Variants in C16orf86 observed in about 807,000 individuals in gnomAD.
C16orf86 encodes the protein uncharacterized protein C16orf86.
C16orf86 carries 19 observed loss-of-function variants against 21.5 expected under a neutral mutation model. The observed-to-expected ratio is 0.88, with a 90% CI of 0.62 to 1.30. C16orf86 has a LOEUF of 1.30. Ranked by LOEUF, C16orf86 falls within the 50% of genes most tolerant of loss-of-function variation. The probability of loss-of-function intolerance (pLI) is 0.00; values close to 1 mark genes in which losing one functional copy is unlikely to be tolerated. For synonymous variants in C16orf86, 188 were observed against 183.5 expected, an observed-to-expected ratio of 1.02 and a Z score of -0.20; for missense variants, 391 against 415.8, an observed-to-expected ratio of 0.94 and a Z score of 0.52.
intron 1 of C16orf86, 90 bp downstream of exon 1, chr16:67,667,162 G>C (rs1343731585): frequency 1.4e-6 from 2 of 1,425,234 alleles, no homozygotes; most frequent in African/African-American, 1.4e-5. Context: ...CTGCCAGGCT[G>C]GGCCCTCCAG....
At position 67,668,684 on chromosome 16, in the gene C16orf86, G is replaced by A. The variant is rs531593131; in HGVS notation, c.*84G>A. On this transcript the variant is annotated 3_prime_UTR_variant, in exon 4 of 4. Coordinates refer to ENST00000403458, the MANE Select transcript of C16orf86 (RefSeq NM_001012984.3). Reference sequence around the variant, plus strand: ...CTGTGGGCCTAGGCCCTCTGGTGGCGGGGGCAAATTTGGCACCTGCCCCCA... The same window carrying A: ...CTGTGGGCCTAGGCCCTCTGGTGGCAGGGGCAAATTTGGCACCTGCCCCCA... The A allele has an allele frequency of 3.1e-5, 41 of 1,325,576 alleles. No homozygotes were observed. The highest frequency in any genetic ancestry group is 1.2e-4 in the Admixed American group (6 of 49,320). 82.1% of individuals were successfully genotyped at this position (1,325,576 alleles called of 1,614,324 possible).
rs1399842600 is a variant in C16orf86, at chr16:67,667,691, G to A, written c.332+166G>A. ...CCCCCGTGTAGGGAGCAGCAGGAGA[G>A]TGGGAGCTTCAGGGCTTGTAGGGGC... is the stretch of plus-strand genomic sequence containing the variant. On this transcript the variant is annotated intron_variant, in intron 2 of 3. Coordinates refer to ENST00000403458, the MANE Select transcript of C16orf86 (RefSeq NM_001012984.3). 8.5e-6 allele frequency: 13 copies of A among 1,533,658 alleles called. No homozygotes were observed. The Admixed American group carries it at 1.6e-4, about 19-fold the overall frequency.
At position 67,668,210 on chromosome 16, in the gene C16orf86, G is replaced by T. The variant is rs1198639753; in HGVS notation, c.564G>T (p.Gln188His). Residue 188 changes from glutamine to histidine, a missense_variant, in exon 4 of 4, where the codon CAG becomes CAT. Coordinates refer to ENST00000403458, the MANE Select transcript of C16orf86 (RefSeq NM_001012984.3). ...LETLRLERKA[Q>H]RLRPLYQYVN... ...CCTGGGTCTTTGCAGGAAAGGCCCA[G>T]CGCCTGCGGCCGCTGTACCAGTACG... 5.7e-6 allele frequency: 9 copies of T among 1,577,150 alleles called. No homozygotes were observed. Among genetic ancestry groups the T allele is most frequent in the Non-Finnish European group, 7.8e-6 (9 of 1,160,832 alleles).
Position 67,668,532 on chromosome 16 carries a change from G to A in C16orf86, c.886G>A (p.Asp296Asn), listed in dbSNP as rs2053136875. 6.2e-7 allele frequency: 1 copy of A among 1,613,512 alleles called. No homozygotes were observed. Among genetic ancestry groups the A allele is most frequent in the Non-Finnish European group, 8.5e-7 (1 of 1,179,906 alleles). The change falls in exon 4 of 4, where the codon GAC (aspartate) becomes AAC (asparagine). Residue 296 changes from aspartate to asparagine, a missense_variant. Transcript: ENST00000403458. ...CGAGGTGGATAAGTCAACCCAGGTG[G>A]ACATCGACAAGATGCTGAGTGTCTG... ...KAEVDKSTQV[D>N]IDKMLSVCTA...
intron 1 of C16orf86, 101 bp from the exon 2 acceptor site, chr16:67,667,195 G>A: frequency 1.4e-6 from 2 of 1,435,030 alleles, no homozygotes; most frequent in Non-Finnish European, 1.9e-6. Flanking sequence ...ACAGGCTGGT[G>A]TCCTTATTCC....
chr16:67,668,685 G>T lies in C16orf86; in HGVS notation c.*85G>T. ...TGTGGGCCTAGGCCCTCTGGTGGCG[G>T]GGGCAAATTTGGCACCTGCCCCCAC... On this transcript the variant is annotated 3_prime_UTR_variant, in exon 4 of 4. Coordinates refer to ENST00000403458, the MANE Select transcript of C16orf86 (RefSeq NM_001012984.3). The T allele has an allele frequency of 1.5e-6, 2 of 1,322,368 alleles. No individual in the cohort carries two copies. The highest frequency in any genetic ancestry group is 1.1e-6 in the Non-Finnish European group (1 of 941,342). The allele number at this position is 1,322,368 out of a possible 1,614,324, so 81.9% of individuals were successfully genotyped here.
chr16:67,667,636 T>C, intron 2 of C16orf86, 111 bp downstream of exon 2: 2 of 1,544,300 alleles, frequency 1.3e-6, no homozygotes, highest in Non-Finnish European at 1.7e-6. Flanking sequence ...CCCCAGCCAC[T>C]ACCATCACTC....
rs1040463868 is a variant in C16orf86 at position 67,667,519 on chromosome 16, C to A, written c.326C>A (p.Pro109His). The change falls in exon 2 of 4, where the codon CCT (proline) becomes CAT (histidine). Residue 109 changes from proline to histidine, a missense_variant. Coordinates refer to ENST00000403458, the MANE Select transcript of C16orf86 (RefSeq NM_001012984.3). ...VRPRHGPKRKPVKSLSLPGLR... is the reference protein window; with the variant it reads ...VRPRHGPKRKHVKSLSLPGLR... ...CCCCGTCATGGTCCAAAGAGAAAGCCTGTCAAGTGAGGGGGCTCTCGGGGG... is the reference window on the plus strand; with the variant it reads ...CCCCGTCATGGTCCAAAGAGAAAGCATGTCAAGTGAGGGGGCTCTCGGGGG... 4 of 1,602,756 alleles carry A rather than the reference C, an allele frequency of 2.5e-6. No homozygotes were observed. Among genetic ancestry groups the A allele is most frequent in the Non-Finnish European group, 2.6e-6 (3 of 1,175,102 alleles).
chr16:67,667,059 C>T lies in C16orf86; in HGVS notation c.89C>T (p.Ala30Val). ...CAGCTCACGGAGGAGCCCGGCAGCG[C>T]TCAGACCTCCGAGGTGACCGTCAGG... ...QGQLTEEPGS[A>V]QTSECPVAGD... is the part of the protein sequence containing the mutation. Residue 30 changes from alanine (A) to valine (V), a missense_variant, in exon 1 of 4, where the codon GCT becomes GTT. Ala to Val is a moderately conservative substitution (Grantham distance 64, BLOSUM62 0). Coordinates refer to ENST00000403458, the MANE Select transcript of C16orf86 (RefSeq NM_001012984.3). 1.4e-6 allele frequency: 2 copies of T among 1,453,696 alleles called. No individual in the cohort carries two copies. The highest frequency in any genetic ancestry group is 2.9e-5 in the South Asian group (2 of 69,442). 90.0% of individuals were successfully genotyped at this position (1,453,696 alleles called of 1,614,324 possible). A position where few individuals can be genotyped will look rare whatever the true frequency, so the allele number is the denominator to read the frequency against.
chr16:67,667,891 C>G lies in C16orf86; in HGVS notation c.346C>G (p.Pro116Ala). 6.3e-7 allele frequency: 1 copy of G among 1,597,070 alleles called. No homozygotes were observed. Among genetic ancestry groups the G allele is most frequent in the Non-Finnish European group, 8.5e-7 (1 of 1,172,196 alleles). The change falls in exon 3 of 4, where the codon CCG (proline) becomes GCG (alanine). Residue 116 changes from proline to alanine, a missense_variant. Transcript: ENST00000403458. ...TCCCTGGCTCAGGTCTCTCAGCCTC[C>G]CGGGCCTTCGTGCCCATCTTAAGGC... is the stretch of plus-strand genomic sequence containing the variant. Reference protein sequence around the residue: ...KRKPVKSLSLPGLRAHLKAEA... With the variant: ...KRKPVKSLSLAGLRAHLKAEA...
At chr16:67,667,617 G>T (rs776200720) in intron 2 of C16orf86, 92 bp downstream of exon 2, 2 of 1,546,600 alleles carry the variant, frequency 1.3e-6, no homozygotes, top group African/African-American at 2.7e-5. Flanking sequence ...CTGCAGGGAG[G>T]ATTCTCGTCC....
chr16:67,667,014 C>T lies in C16orf86; in HGVS notation c.44C>T (p.Ala15Val). ...GAERRPGVQE[A>V]TVVGQGQLTE... ...GAGAGGCGGCCGGGGGTCCAGGAGGCGACGGTCGTGGGGCAGGGACAGCTC... is the reference window on the plus strand; with the variant it reads ...GAGAGGCGGCCGGGGGTCCAGGAGGTGACGGTCGTGGGGCAGGGACAGCTC... The change falls in exon 1 of 4, where the codon GCG (alanine) becomes GTG (valine). Residue 15 changes from alanine to valine, a missense_variant. Coordinates refer to ENST00000403458, the MANE Select transcript of C16orf86 (RefSeq NM_001012984.3). The T allele has an allele frequency of 3.4e-6, 5 of 1,451,754 alleles. No individual in the cohort carries two copies. Among genetic ancestry groups the T allele is most frequent in the Non-Finnish European group, 4.5e-6 (5 of 1,109,718 alleles). 89.9% of individuals were successfully genotyped at this position (1,451,754 alleles called of 1,614,324 possible). A position where few individuals can be genotyped will look rare whatever the true frequency, so the allele number is the denominator to read the frequency against.
chr16:67,668,234 C>G lies in C16orf86; in HGVS notation c.588C>G (p.Tyr196Ter). ...AGCGCCTGCGGCCGCTGTACCAGTA[C>G]GTCAACTATTGCAACCCTGAGCTGA... is the stretch of plus-strand genomic sequence containing the variant. The part of the protein sequence containing the change: ...KAQRLRPLYQ[Y>*]VNYCNPELNQ... Residue 196 changes from tyrosine (Y) to a stop codon, truncating the protein, a stop_gained, in exon 4 of 4, where the codon TAC (tyrosine) becomes TAG (stop). Coordinates refer to ENST00000403458, the MANE Select transcript of C16orf86 (RefSeq NM_001012984.3). LOFTEE classifies it low-confidence loss of function (END_TRUNC). 6.3e-7 allele frequency: 1 copy of G among 1,592,694 alleles called. No homozygotes were observed. Among genetic ancestry groups the G allele is most frequent in the Non-Finnish European group, 8.6e-7 (1 of 1,168,812 alleles).
intron 1 of C16orf86, 95 bp downstream of exon 1, chr16:67,667,167 C>T: frequency 7.0e-7 from 1 of 1,436,682 alleles, no homozygotes; most frequent in South Asian, 1.2e-5. Flanking sequence ...AGGCTGGGCC[C>T]TCCAGGCGGG....
In C16orf86 at chr16:67,668,715, G is replaced by A. The variant is rs1199678947; in HGVS notation, c.*115G>A. The A allele has an allele frequency of 1.0e-5, 8 of 788,608 alleles. No homozygotes were observed. The Admixed American group carries it at 1.5e-4, about 15-fold the overall frequency. The allele number at this position is 788,608 out of a possible 1,614,324, so 48.9% of individuals were successfully genotyped here. A position where few individuals can be genotyped will look rare whatever the true frequency, so the allele number is the denominator to read the frequency against. The stretch of plus-strand genomic sequence containing the variant: ...AAATTTGGCACCTGCCCCCACTTGG[G>A]ACTTTGGTCTTGCTGAAAATAAATA... On this transcript the variant is annotated 3_prime_UTR_variant, in exon 4 of 4. Coordinates refer to ENST00000403458, the MANE Select transcript of C16orf86 (RefSeq NM_001012984.3).
chr16:67,668,143 G>A (rs1481591268), intron 3 of C16orf86, 45 bp downstream of exon 3: 1 of 1,594,642 alleles, frequency 6.3e-7, no homozygotes, highest in African/African-American at 1.3e-5. Context: ...CTGCCTGTGG[G>A]GCCCGACATG....
At chr16:67,668,120 G>C (rs1261120569) in intron 3 of C16orf86, 22 bp downstream of exon 3, 1 of 1,605,074 alleles carries the variant, frequency 6.2e-7, no homozygotes, top group South Asian at 1.1e-5. Context: ...TCCCTGGACT[G>C]TTCCTTCTCC....
At position 67,667,959 on chromosome 16, in the gene C16orf86, G is replaced by T; in HGVS notation, c.414G>T (p.Glu138Asp). The T allele has an allele frequency of 1.2e-6, 2 of 1,613,382 alleles. No individual in the cohort carries two copies. Among genetic ancestry groups the T allele is most frequent in the South Asian group, 2.2e-5 (2 of 91,084 alleles). ...CCAAGCTGCCGCTGCAGGAGGAGGA[G>T]CCAGAGGACAGCCAGAGTGAGCCCT... ...LPPKLPLQEE[E>D]PEDSQSEPSP... The change falls in exon 3 of 4, where the codon GAG becomes GAT. Residue 138 changes from glutamate (E) to aspartate (D), a missense_variant. Coordinates refer to ENST00000403458, the MANE Select transcript of C16orf86 (RefSeq NM_001012984.3).
rs767221341 is a variant in C16orf86, at chr16:67,667,323, G to C, written c.130G>C (p.Val44Leu). 2 of 1,612,256 alleles carry C rather than the reference G, an allele frequency of 1.2e-6. No individual in the cohort carries two copies. Among genetic ancestry groups the C allele is most frequent in the Admixed American group, 3.3e-5 (2 of 59,996 alleles). The change falls in exon 2 of 4, where the codon GTG becomes CTG. Residue 44 changes from valine (V) to leucine (L), a missense_variant. Transcript: ENST00000403458. Reference sequence around the variant, plus strand: ...TCCAGTGGCGGGAGACCAGTTCCTGGTGCCTGCCCATGAGGCCCGCGGAAC... The same window carrying C: ...TCCAGTGGCGGGAGACCAGTTCCTGCTGCCTGCCCATGAGGCCCGCGGAAC... ...ECPVAGDQFL[V>L]PAHEARGTQS...
Sources: gnomAD v4.1 joint callset for allele counts on GRCh38, gnomAD v4.1.1 for gene constraint, MANE v1.5 for transcripts, NCBI Gene and HGNC (gene_info 2026-07-23, HGNC 2026-07-21) for gene names.